The following ASTN2 variants were observed in gnomAD, a reference collection of about 807,000 sequenced individuals.
ASTN2 encodes the protein astrotactin 2.
ASTN2 carries 54 observed loss-of-function variants against 139.8 expected under a neutral mutation model. That is an observed-to-expected ratio of 0.39 (90% CI 0.31 to 0.48). The LOEUF is 0.48. ASTN2 is among the 20% of genes least tolerant of loss of function. The probability of loss-of-function intolerance (pLI) is 0.95; values close to 1 mark genes in which losing one functional copy is unlikely to be tolerated. For synonymous variants in ASTN2, 756 were observed against 719.5 expected (o/e 1.05, Z -0.81); for missense variants, 1,565 against 1,725.1 (o/e 0.91, Z 1.64).
intron 10 of ASTN2, among the ~76,000 whole-genome samples, chr9:116,915,528 T>G (rs1347017374): frequency 6.6e-6 from 1 of 152,136 alleles, no homozygotes; most frequent in East Asian, 1.9e-4. Context: ...CAAGCCATGA[T>G]TAGAAACTTG....
intron 17 of ASTN2, among the ~76,000 whole-genome samples, chr9:116,648,253 G>T (rs1564180467): frequency 6.6e-6 from 1 of 151,984 alleles, no homozygotes; most frequent in Non-Finnish European, 1.5e-5. Context: ...GCCCGTCTCG[G>T]CCTCCCAAAG....
Position 116,651,649 on chromosome 9 carries a change from G to A in ASTN2, c.2951C>T (p.Pro984Leu). 1 of 1,614,162 alleles carries A rather than the reference G, an allele frequency of 6.2e-7. No homozygotes were observed. The highest frequency in any genetic ancestry group is 2.2e-5 in the East Asian group (1 of 44,858). The change falls in exon 17 of 23, where the codon CCA becomes CTA. Residue 984 changes from proline to leucine, a missense_variant. By Grantham distance (98) the Pro-to-Leu change is moderately conservative (BLOSUM62 -3). Coordinates refer to ENST00000313400, the MANE Select transcript of ASTN2 (RefSeq NM_001365068.1). ...EIRCEEKGRC[P>L]STCHLCRRPG... ...CCGGCGGCAAAGGTGACAGGTAGAT[G>A]GACAGCGCCCCTTCTCCTCACAGCG...
chr9:116,557,223 C>CAAAAAAAAAAAAAAAAAAAAAAAAAAAAA (rs60756690), intron 19 of ASTN2, among the ~76,000 whole-genome samples: 1 of 53,594 alleles, frequency 1.9e-5, no homozygotes, highest in Non-Finnish European at 3.3e-5. Context: ...GACTCTGTCT[C>CAAAAAAAAAAAAAAAAAAAAAAAAAAAAA]AAAAAAAAAA....
chr9:116,789,258 G>C (rs1830464924), intron 13 of ASTN2, among the ~76,000 whole-genome samples: 1 of 152,186 alleles, frequency 6.6e-6, no homozygotes, highest in African/African-American at 2.4e-5. Context: ...TGGGAACTCA[G>C]TAAAGAATGA....
At chr9:117,172,275 C>T (rs544914504) in intron 3 of ASTN2, among the ~76,000 whole-genome samples, 6 of 152,134 alleles carry the variant, frequency 3.9e-5, no homozygotes, top group Admixed American at 2.0e-4. Flanking sequence ...ATGCTGCCAC[C>T]GGGTCCTTAG....
chr9:117,411,190 T>C (rs1226671479), intron 1 of ASTN2, among the ~76,000 whole-genome samples: 1 of 152,136 alleles, frequency 6.6e-6, no homozygotes, highest in Non-Finnish European at 1.5e-5. Context: ...ACTCCATATA[T>C]GTTATGTAAA....
At chr9:116,800,332 G>T (rs539991513) in intron 13 of ASTN2, among the ~76,000 whole-genome samples, 1 of 151,996 alleles carries the variant, frequency 6.6e-6, no homozygotes, top group Non-Finnish European at 1.5e-5. Context: ...GCCTCTGCTC[G>T]GTCTGACTGA....
At chr9:117,336,603 G>A (rs1828891543) in intron 1 of ASTN2, among the ~76,000 whole-genome samples, 1 of 152,122 alleles carries the variant, frequency 6.6e-6, no homozygotes, top group African/African-American at 2.4e-5. Flanking sequence ...TGAGTACTTT[G>A]CCAGCGCCAT....
At chr9:116,749,130 TCA>T (rs1288502435) in intron 13 of ASTN2, among the ~76,000 whole-genome samples, 6 of 152,110 alleles carry the variant, frequency 3.9e-5, no homozygotes, top group African/African-American at 7.2e-5. Context: ...CATCCTTGCC[TCA>T]CATACTTGCT....
intron 6 of ASTN2, among the ~76,000 whole-genome samples, chr9:117,039,534 C>G (rs914916885): frequency 6.6e-6 from 1 of 151,826 alleles, no homozygotes; most frequent in African/African-American, 2.4e-5. Flanking sequence ...CACCATGGCA[C>G]ATGTATACCT....
At chr9:116,725,638 G>A (rs983396439) in intron 16 of ASTN2, 133 bp downstream of exon 16, 3 of 839,966 alleles carry the variant, frequency 3.6e-6, no homozygotes, top group Non-Finnish European at 1.9e-6. Flanking sequence ...GAGAGGCAGG[G>A]ACTTGCCCAT....
chr9:117,331,406 G>T (rs979909804), intron 1 of ASTN2, among the ~76,000 whole-genome samples: 4 of 152,158 alleles, frequency 2.6e-5, no homozygotes, highest in African/African-American at 9.7e-5. Flanking sequence ...AAACAGTAGG[G>T]TTTGATAGAA....
chr9:116,518,183 A>C (rs1472874433), intron 19 of ASTN2, among the ~76,000 whole-genome samples: 1 of 152,192 alleles, frequency 6.6e-6, no homozygotes, highest in Non-Finnish European at 1.5e-5. Context: ...TTGCAAAAAG[A>C]TCATCGCCTA....
intron 2 of ASTN2, among the ~76,000 whole-genome samples, chr9:117,217,512 C>A (rs765134642): frequency 6.6e-6 from 1 of 152,190 alleles, no homozygotes; most frequent in Non-Finnish European, 1.5e-5. Flanking sequence ...GCCTTGAGAG[C>A]CTTCCAGTAG....
intron 19 of ASTN2, among the ~76,000 whole-genome samples, chr9:116,606,487 C>T (rs1263054094): frequency 6.6e-6 from 1 of 152,162 alleles, no homozygotes; most frequent in East Asian, 1.9e-4. Context: ...TGTGCACATG[C>T]ACGCATGAGC....
intron 2 of ASTN2, among the ~76,000 whole-genome samples, chr9:117,267,176 C>A (rs1227512764): frequency 1.3e-5 from 2 of 152,092 alleles, no homozygotes; most frequent in Non-Finnish European, 2.9e-5. Context: ...CAGACAAACC[C>A]ATATGGAGGG....
At chr9:117,259,500 A>C (rs1833771577) in intron 2 of ASTN2, among the ~76,000 whole-genome samples, 1 of 152,202 alleles carries the variant, frequency 6.6e-6, no homozygotes, top group African/African-American at 2.4e-5. Flanking sequence ...CCATAGATCT[A>C]ATAAGAAACG....
chr9:116,596,729 T>C (rs1169942296), intron 19 of ASTN2, among the ~76,000 whole-genome samples: 1 of 152,178 alleles, frequency 6.6e-6, no homozygotes, highest in Non-Finnish European at 1.5e-5. Context: ...TACTGAGGGA[T>C]GTGATAGAAA....
intron 1 of ASTN2, among the ~76,000 whole-genome samples, chr9:117,366,395 A>G (rs1829844363): frequency 6.6e-6 from 1 of 152,150 alleles, no homozygotes; most frequent in Non-Finnish European, 1.5e-5. Context: ...TGGGAAGCAG[A>G]GCAGAAATTG....
Sources: allele counts gnomAD v4.1 joint callset (sites outside exome capture counted in the v4.1 genomes callset), GRCh38; gene constraint gnomAD v4.1.1; transcripts MANE v1.5; gene names NCBI Gene and HGNC (gene_info 2026-07-23, HGNC 2026-07-21).